DAB1: variants seen among roughly 807,000 people sequenced by gnomAD.
DAB1 encodes the protein disabled homolog 1.
A neutral mutation model predicts 64.6 loss-of-function variants in DAB1; 15 were observed. That is an observed-to-expected ratio of 0.23 (90% CI 0.16 to 0.36). The LOEUF (loss-of-function observed/expected upper bound fraction) is 0.36, where lower values mean the gene tolerates loss of function less well. DAB1 is among the 10% of genes least tolerant of loss of function. DAB1 has a pLI of 1.00. For synonymous variants in DAB1, 235 were observed against 251.9 expected (o/e 0.93, Z 0.64); for missense variants, 596 against 706.7 (o/e 0.84, Z 1.78).
chr1:57,211,068 C>A (rs530002190), intron 2 of DAB1, among the ~76,000 whole-genome samples: 70 of 152,334 alleles, frequency 4.6e-4, no homozygotes, highest in African/African-American at 1.6e-3. Context: ...TATGACACAG[C>A]TCAGTGTGAC....
chr1:57,187,418 G>A (rs978493521), intron 2 of DAB1, among the ~76,000 whole-genome samples: 4 of 152,098 alleles, frequency 2.6e-5, no homozygotes, highest in Non-Finnish European at 4.4e-5. Context: ...TTACTATAAA[G>A]TACCACAGTC....
At chr1:57,044,729 G>T (rs111943797) in intron 9 of DAB1, among the ~76,000 whole-genome samples, 8 of 152,160 alleles carry the variant, frequency 5.3e-5, no homozygotes, top group African/African-American at 1.9e-4. Context: ...GTCACGGGTG[G>T]TTGGGATCAT....
intron 3 of DAB1, among the ~76,000 whole-genome samples, chr1:58,391,247 G>C (rs934184898): frequency 6.6e-6 from 1 of 152,198 alleles, no homozygotes; most frequent in Non-Finnish European, 1.5e-5. Flanking sequence ...GGAGGAAAAG[G>C]CTACTCAGAG....
In DAB1 at chr1:57,779,965, T is replaced by C. The variant is rs1405202687; in HGVS notation, n.551+104034A>G. The stretch of plus-strand genomic sequence containing the variant: ...TGACAGTCTGCTTTCCCCACCTTGC[T>C]TACAAATGACTAATCTTGAGATAGG... On this transcript the variant is annotated intron_variant and non_coding_transcript_variant, in intron 6 of 20. Coordinates refer to the DAB1 transcript ENST00000485760. 3.9e-5 allele frequency among the ~76,000 whole-genome samples: 6 copies of C among 152,294 alleles called. No homozygotes were observed. In the East Asian group the frequency reaches 5.8e-4, roughly 15 times the overall value.
At chr1:57,188,916 C>T (rs1663861751) in intron 2 of DAB1, among the ~76,000 whole-genome samples, 1 of 152,098 alleles carries the variant, frequency 6.6e-6, no homozygotes, top group Admixed American at 6.5e-5. Flanking sequence ...ATAATGATGC[C>T]ATAGGCAGAG....
chr1:57,853,593 C>T (rs187660049), intron 1 of DAB1, among the ~76,000 whole-genome samples: 17 of 152,152 alleles, frequency 1.1e-4, no homozygotes, highest in Admixed American at 1.3e-4. Context: ...ATAAAATGAA[C>T]GAATAAATGA....
At chr1:57,986,714 G>A (rs568720511) in intron 5 of DAB1, among the ~76,000 whole-genome samples, 9 of 152,286 alleles carry the variant, frequency 5.9e-5, no homozygotes, top group Admixed American at 4.6e-4. Flanking sequence ...TCAGGAAAGT[G>A]TCTTCCAAAG....
chr1:57,830,373 A>G (rs1652533861), intron 1 of DAB1, among the ~76,000 whole-genome samples: 6 of 152,164 alleles, frequency 3.9e-5, no homozygotes, highest in Admixed American at 3.9e-4. Flanking sequence ...AGGTAGGCCT[A>G]TTACTTTTCC....
intron 7 of DAB1, among the ~76,000 whole-genome samples, chr1:57,468,302 G>A (rs1687022762): frequency 6.6e-6 from 1 of 152,162 alleles, no homozygotes; most frequent in Admixed American, 6.5e-5. Flanking sequence ...AGTGAGCATA[G>A]CAACTTCGAG....
intron 5 of DAB1, among the ~76,000 whole-genome samples, chr1:57,975,859 G>A (rs552842931): frequency 9.8e-5 from 15 of 152,334 alleles, no homozygotes; most frequent in African/African-American, 3.4e-4. Context: ...TGTCCAGTCC[G>A]TAACACTACA....
At chr1:57,383,794 T>C (rs1208591274) in intron 1 of DAB1, among the ~76,000 whole-genome samples, 1 of 152,062 alleles carries the variant, frequency 6.6e-6, no homozygotes, top group African/African-American at 2.4e-5. Flanking sequence ...AACTTACAAC[T>C]ACAAAACCTT....
chr1:57,698,920 C>T (rs1015461143), intron 6 of DAB1, among the ~76,000 whole-genome samples: 2 of 152,090 alleles, frequency 1.3e-5, no homozygotes, highest in Non-Finnish European at 2.9e-5. Flanking sequence ...TTTCCATGTT[C>T]TTTTTAAAAA....
intron 3 of DAB1, among the ~76,000 whole-genome samples, chr1:58,373,719 G>A (rs1488963431): frequency 6.6e-6 from 1 of 151,912 alleles, no homozygotes; most frequent in African/African-American, 2.4e-5. Context: ...GGGTCAAATG[G>A]TATTTCTAGT....
At chr1:57,141,507 A>G (rs539823008) in intron 3 of DAB1, among the ~76,000 whole-genome samples, 232 of 152,294 alleles carry the variant, frequency 1.5e-3, no homozygotes, top group African/African-American at 5.4e-3. Flanking sequence ...GAGTGGTAAT[A>G]GCTTCCCACT....
At chr1:58,353,076 C>T (rs1164677611) in intron 3 of DAB1, among the ~76,000 whole-genome samples, 2 of 152,010 alleles carry the variant, frequency 1.3e-5, no homozygotes, top group Non-Finnish European at 1.5e-5. Context: ...GCCACGCTGC[C>T]GAATCGAACC....
chr1:57,194,114 C>G (rs1664412139), intron 2 of DAB1, among the ~76,000 whole-genome samples: 1 of 152,208 alleles, frequency 6.6e-6, no homozygotes, highest in Admixed American at 6.5e-5. Context: ...AGCAGTGGTT[C>G]TCAAACTTGA....
chr1:58,474,403 A>G (rs1284307141), intron 3 of DAB1, among the ~76,000 whole-genome samples: 1 of 150,778 alleles, frequency 6.6e-6, no homozygotes, highest in Non-Finnish European at 1.5e-5. Flanking sequence ...AAAGTAATGA[A>G]AAAAAAAAAG....
intron 5 of DAB1, among the ~76,000 whole-genome samples, chr1:57,977,715 G>A (rs568028901): frequency 0.01 from 1,581 of 151,884 alleles, 8 homozygotes; most frequent in Non-Finnish European, 0.016. Context: ...GACATCCCCC[G>A]GACCCACCAC....
At chr1:57,866,399 G>A (rs1045006948) in intron 1 of DAB1, 1 of 152,046 alleles carries the variant, frequency 6.6e-6, no homozygotes, top group South Asian at 2.1e-4. Flanking sequence ...AGTAACTATG[G>A]GGTAAATTAA....
Sources: gnomAD v4.1 joint callset for allele counts (sites outside exome capture counted in the v4.1 genomes callset) on GRCh38, gnomAD v4.1.1 for gene constraint, MANE v1.5 for transcripts, NCBI Gene and HGNC (gene_info 2026-07-23, HGNC 2026-07-21) for gene names.